ACBD6: variants seen among roughly 807,000 people sequenced by gnomAD.
ACBD6 encodes acyl-CoA binding domain containing 6, also known as acyl-CoA-binding domain-containing protein 6.
Under a neutral mutation model 37.2 loss-of-function variants are expected in ACBD6, and 28 were observed. The observed-to-expected ratio is 0.75, with a 90% CI of 0.56 to 1.03. ACBD6 has a LOEUF of 1.03. Among genes scored for constraint, ACBD6 ranks in the 50% least tolerant of loss-of-function variants. The pLI is 0.00. For synonymous variants in ACBD6, 113 were observed against 126.8 expected (o/e 0.89, Z 0.73); for missense variants, 340 against 337.4 (o/e 1.01, Z -0.06).
chr1:180,496,893 T>C (rs1651761705), intron 1 of ACBD6, among the ~76,000 whole-genome samples: 1 of 150,422 alleles, frequency 6.6e-6, no homozygotes, highest in African/African-American at 2.5e-5. Context: ...AGGTATGCCA[T>C]CACAAACTCA....
At chr1:180,380,698 A>G (rs1653609503) in intron 6 of ACBD6, among the ~76,000 whole-genome samples, 1 of 152,120 alleles carries the variant, frequency 6.6e-6, no homozygotes, top group Non-Finnish European at 1.5e-5. Context: ...AAATATAAAA[A>G]CCACTGGTGG....
chr1:180,408,574 T>C (rs923229594), intron 5 of ACBD6, among the ~76,000 whole-genome samples: 3 of 151,924 alleles, frequency 2.0e-5, no homozygotes, highest in Admixed American at 6.6e-5. Context: ...TGCTAAATGA[T>C]GAGTTAATGG....
chr1:180,339,022 C>A (rs1178315284), intron 6 of ACBD6, among the ~76,000 whole-genome samples: 2 of 152,186 alleles, frequency 1.3e-5, no homozygotes, highest in Non-Finnish European at 2.9e-5. Flanking sequence ...ATTAAAAAGT[C>A]AGGAAACAAC....
chr1:180,293,442 A>C (rs1571324706), intron 7 of ACBD6, among the ~76,000 whole-genome samples: 1 of 151,802 alleles, frequency 6.6e-6, no homozygotes, highest in African/African-American at 2.4e-5. Flanking sequence ...TGAGTAGCTG[A>C]GATTACAGGC....
At chr1:180,415,072 A>T (rs893557000) in intron 4 of ACBD6, among the ~76,000 whole-genome samples, 13 of 148,170 alleles carry the variant, frequency 8.8e-5, no homozygotes, top group African/African-American at 3.3e-4. Flanking sequence ...GCGAGACTCC[A>T]TCTCAAAAAA....
At chr1:180,500,464 A>G (rs940651562) in intron 1 of ACBD6, among the ~76,000 whole-genome samples, 4 of 151,760 alleles carry the variant, frequency 2.6e-5, no homozygotes, top group African/African-American at 7.3e-5. Flanking sequence ...AGGCCAAGGC[A>G]GGCAGATCAC....
chr1:180,498,228 A>G (rs1366837020), intron 1 of ACBD6, among the ~76,000 whole-genome samples: 1 of 152,234 alleles, frequency 6.6e-6, no homozygotes, highest in Non-Finnish European at 1.5e-5. Context: ...GGTGGCAGAT[A>G]TAGATTTTCC....
At chr1:180,306,994 C>T (rs1650406944) in intron 7 of ACBD6, among the ~76,000 whole-genome samples, 1 of 152,102 alleles carries the variant, frequency 6.6e-6, no homozygotes, top group African/African-American at 2.4e-5. Context: ...TCCAGCAGTC[C>T]CAATCATGGG....
chr1:180,348,894 T>C (rs1384394653), intron 6 of ACBD6, among the ~76,000 whole-genome samples: 1 of 152,244 alleles, frequency 6.6e-6, no homozygotes, highest in African/African-American at 2.4e-5. Flanking sequence ...AAATAAAATC[T>C]GAATAAGCTT....
chr1:180,489,256 A>G (rs1338992963), intron 3 of ACBD6, among the ~76,000 whole-genome samples: 1 of 151,870 alleles, frequency 6.6e-6, no homozygotes, highest in Non-Finnish European at 1.5e-5. Flanking sequence ...ATTATTATTT[A>G]ACCTAAAAGA....
chr1:180,431,958 C>T (rs1289475509), intron 3 of ACBD6, among the ~76,000 whole-genome samples: 1 of 152,106 alleles, frequency 6.6e-6, no homozygotes, highest in Non-Finnish European at 1.5e-5. Context: ...ATAATCCCTG[C>T]ACTTTGGGAG....
intron 6 of ACBD6, among the ~76,000 whole-genome samples, chr1:180,366,260 T>G (rs1175776041): frequency 5.3e-5 from 8 of 152,174 alleles, no homozygotes; most frequent in Admixed American, 4.6e-4. Context: ...TTGAAAGAAT[T>G]ACAGAATTAA....
chr1:180,378,379 G>A (rs1264819245), intron 6 of ACBD6, among the ~76,000 whole-genome samples: 3 of 152,078 alleles, frequency 2.0e-5, no homozygotes, highest in African/African-American at 7.2e-5. Flanking sequence ...ATAGGATCTT[G>A]GAACAGAAAA....
chr1:180,429,792 T>C (rs1257918391), intron 4 of ACBD6, among the ~76,000 whole-genome samples: 1 of 152,122 alleles, frequency 6.6e-6, no homozygotes, highest in Non-Finnish European at 1.5e-5. Flanking sequence ...TGAGGAAAAT[T>C]AACACAAAAA....
chr1:180,483,389 G>A (rs1651131159), intron 3 of ACBD6, among the ~76,000 whole-genome samples: 1 of 152,150 alleles, frequency 6.6e-6, no homozygotes, highest in South Asian at 2.1e-4. Flanking sequence ...CACTTTCTAA[G>A]ACACTACAAC....
At chr1:180,432,205 C>CAA (rs35887874) in intron 3 of ACBD6, among the ~76,000 whole-genome samples, 3 of 141,466 alleles carry the variant, frequency 2.1e-5, no homozygotes, top group Non-Finnish European at 3.1e-5. Context: ...GATTCTGTCT[C>CAA]AAAAAAAAAA....
chr1:180,349,498 G>T (rs1334526325), intron 6 of ACBD6, among the ~76,000 whole-genome samples: 4 of 151,790 alleles, frequency 2.6e-5, no homozygotes, highest in African/African-American at 7.2e-5. Flanking sequence ...CTCGTGATCC[G>T]CCTGCCTCGG....
chr1:180,323,055 G>A (rs1384084144), intron 6 of ACBD6, among the ~76,000 whole-genome samples: 5 of 151,446 alleles, frequency 3.3e-5, no homozygotes, highest in South Asian at 2.1e-4. Flanking sequence ...GGTATATTTC[G>A]TTTTCACCAT....
intron 3 of ACBD6, among the ~76,000 whole-genome samples, chr1:180,441,513 CA>C (rs1369704866): frequency 6.6e-6 from 1 of 152,208 alleles, no homozygotes; most frequent in Non-Finnish European, 1.5e-5. Flanking sequence ...TCCATGAACA[CA>C]AGATGAATTT....
Sources: gnomAD v4.1 joint callset for allele counts (sites outside exome capture counted in the v4.1 genomes callset) on GRCh38, gnomAD v4.1.1 for gene constraint, MANE v1.5 for transcripts, NCBI Gene and HGNC (gene_info 2026-07-23, HGNC 2026-07-21) for gene names.